Variants in SLC9C1 observed in about 807,000 individuals in gnomAD.
SLC9C1 encodes the protein solute carrier family 9 member C1, also known as sodium/hydrogen exchanger 10.
Under a neutral mutation model 140.9 loss-of-function variants are expected in SLC9C1, and 97 were observed. The observed-to-expected ratio is 0.69, with a 90% confidence interval of 0.58 to 0.82. The LOEUF (loss-of-function observed/expected upper bound fraction) is 0.82, where lower values mean the gene tolerates loss of function less well. Among genes scored for constraint, SLC9C1 ranks in the 40% least tolerant of loss-of-function variants. The pLI, the probability that SLC9C1 is intolerant of heterozygous loss-of-function variation, is 0.00. For missense variants in SLC9C1, 1,340 were observed against 1,389.3 expected (o/e 0.96, Z 0.56); for synonymous variants, 440 against 442.6 (o/e 0.99, Z 0.07).
intron 21 of SLC9C1, among the ~76,000 whole-genome samples, chr3:112,180,976 A>G (rs987991384): frequency 3.9e-5 from 6 of 152,182 alleles, no homozygotes; most frequent in Admixed American, 6.5e-5. Context: ...GGCTGGTCTC[A>G]GACTCCTGAC....
At position 112,250,636 on chromosome 3, in the gene SLC9C1, C is replaced by G. The variant is rs112172027; in HGVS notation, c.1198-6560G>C. 1.3e-3 allele frequency among the ~76,000 whole-genome samples: 198 copies of G among 152,202 alleles called. 3 individuals carry two copies. Among genetic ancestry groups the G allele is most frequent in the East Asian group, 9.7e-4 (5 of 5,180 alleles). ...TAGACATATAGATGGCCAACACACA[C>G]GTGAAACATGTGAAAATCGCTATCA... is the stretch of plus-strand genomic sequence containing the variant. On this transcript the variant is annotated intron_variant, in intron 10 of 28. Transcript: ENST00000305815.
rs755003295 is a variant in SLC9C1, at chr3:112,169,420, ATAATT to A, written c.2920-97_2920-93del. 2.5e-5 allele frequency: 30 copies of A among 1,181,616 alleles called. No homozygotes were observed. In the East Asian group the frequency reaches 4.1e-4, roughly 16 times the overall value. The allele number at this position is 1,181,616 out of a possible 1,614,324, so 73.2% of individuals were successfully genotyped here. A position where few individuals can be genotyped will look rare whatever the true frequency, so the allele number is the denominator to read the frequency against. On this transcript the variant is annotated intron_variant, in intron 23 of 28. Coordinates refer to ENST00000305815, the MANE Select transcript of SLC9C1 (RefSeq NM_183061.3). ...TTGTTTATGTACACTATTAAAGCTA[ATAATT>A]TAATTAGGTAAGATTCACATAATAG...
chr3:112,188,754 A>G (rs1220936951), intron 20 of SLC9C1, among the ~76,000 whole-genome samples: 1 of 152,184 alleles, frequency 6.6e-6, no homozygotes, highest in Non-Finnish European at 1.5e-5. Context: ...TATACCCAGT[A>G]ATGGGATGGC....
chr3:112,243,731 C>G (rs2079199458), intron 11 of SLC9C1, among the ~76,000 whole-genome samples: 1 of 151,362 alleles, frequency 6.6e-6, no homozygotes, highest in Non-Finnish European at 1.5e-5. Flanking sequence ...TGCTCTCTTG[C>G]CCAGGGTGGA....
At chr3:112,155,394 A>G (rs1400640193) in intron 26 of SLC9C1, among the ~76,000 whole-genome samples, 1 of 152,208 alleles carries the variant, frequency 6.6e-6, no homozygotes, top group African/African-American at 2.4e-5. Flanking sequence ...ATTAAGATCC[A>G]TGTCTTCTAG....
At position 112,263,072 on chromosome 3, in the gene SLC9C1, G is replaced by T. The variant is rs757345437; in HGVS notation, c.1049C>A (p.Pro350His). 3.2e-6 allele frequency: 5 copies of T among 1,578,084 alleles called. No individual in the cohort carries two copies. Among genetic ancestry groups the T allele is most frequent in the Admixed American group, 2.0e-5 (1 of 50,608 alleles). The change falls in exon 10 of 29, where the codon CCT becomes CAT. Residue 350 changes from proline (P) to histidine (H), a missense_variant. Transcript: ENST00000305815. Reference protein sequence around the residue: ...LRFLTLLLISPVLSRVGHEFS... With the variant: ...LRFLTLLLISHVLSRVGHEFS... ...CTCATGACCAACTCGAGACAAAACAGGGCTTATTAAAAGAAGGGTCAGAAA... is the reference window on the plus strand; with the variant it reads ...CTCATGACCAACTCGAGACAAAACATGGCTTATTAAAAGAAGGGTCAGAAA...
At chr3:112,216,450 A>T (rs974392666) in intron 15 of SLC9C1, among the ~76,000 whole-genome samples, 1 of 151,928 alleles carries the variant, frequency 6.6e-6, no homozygotes, top group African/African-American at 2.4e-5. Context: ...TTTTTGCAAT[A>T]TACCCATCTG....
chr3:112,182,277 G>C lies in SLC9C1; in HGVS notation c.2524-19C>G. On this transcript the variant is annotated intron_variant, in intron 20 of 28. Coordinates refer to ENST00000305815, the MANE Select transcript of SLC9C1 (RefSeq NM_183061.3). The stretch of plus-strand genomic sequence containing the variant: ...TGATTAACTAAAACATAAAATTTAA[G>C]AAAAGGGATGAACCAAACTGCTGTT... 1 of 1,590,336 alleles carries C rather than the reference G, an allele frequency of 6.3e-7. No individual in the cohort carries two copies. Among genetic ancestry groups the C allele is most frequent in the Non-Finnish European group, 8.5e-7 (1 of 1,170,662 alleles).
chr3:112,271,393 G>GTATATATATATATATACA (rs2080070592), intron 6 of SLC9C1, among the ~76,000 whole-genome samples: 1 of 125,574 alleles, frequency 8.0e-6, no homozygotes, highest in African/African-American at 2.7e-5. Context: ...ATTCTACATT[G>GTATATATATATATATACA]TATATATATA....
chr3:112,204,277 T>G lies in SLC9C1; in HGVS notation c.2113A>C (p.Thr705Pro). 1 of 1,549,010 alleles carries G rather than the reference T, an allele frequency of 6.5e-7. No individual in the cohort carries two copies. Among genetic ancestry groups the G allele is most frequent in the Non-Finnish European group, 8.6e-7 (1 of 1,156,700 alleles). ...IDTIKYIFNE[T>P]EVIVFIKVVQ... ...ACTTTTATAAAGACTATTACTTCAG[T>G]CTCATTAAAAATATACTTAATGGTG... The change falls in exon 17 of 29, where the codon ACT becomes CCT. Residue 705 changes from threonine (T) to proline (P), a missense_variant. Transcript: ENST00000305815.
intron 17 of SLC9C1, among the ~76,000 whole-genome samples, chr3:112,202,981 AC>A (rs1406532063): frequency 6.6e-6 from 1 of 151,876 alleles, no homozygotes; most frequent in African/African-American, 2.4e-5. Context: ...TCCATACTCT[AC>A]CCTGCAACTA....
Position 112,231,365 on chromosome 3 carries a change from T to C in SLC9C1, c.1568A>G (p.Gln523Arg). ...ELANRRLLSA[Q>R]IASYQRQYRN... Reference sequence around the variant, plus strand: ...CAAAAGAGAATAATACAGTACTATTTGTGCTGACAAGAGACGCCTGTTGGC... The same window carrying C: ...CAAAAGAGAATAATACAGTACTATTCGTGCTGACAAGAGACGCCTGTTGGC... The change falls in exon 13 of 29, where the codon CAA (glutamine) becomes CGA (arginine). Residue 523 changes from glutamine to arginine, a missense_variant. Physicochemically the swap from Gln to Arg is conservative, Grantham distance 43. Transcript: ENST00000305815. 6.2e-7 allele frequency: 1 copy of C among 1,613,252 alleles called. No homozygotes were observed. Among genetic ancestry groups the C allele is most frequent in the Non-Finnish European group, 8.5e-7 (1 of 1,179,592 alleles).
At chr3:112,161,904 A>G (rs2075311375) in intron 26 of SLC9C1, among the ~76,000 whole-genome samples, 1 of 151,416 alleles carries the variant, frequency 6.6e-6, no homozygotes, top group Non-Finnish European at 1.5e-5. Context: ...ACCCATGAGC[A>G]TGGAATGTTC....
chr3:112,217,537 C>G lies in SLC9C1; in HGVS notation c.1695G>C (p.Lys565Asn). The G allele has an allele frequency of 6.2e-7, 1 of 1,604,306 alleles. No individual in the cohort carries two copies. The highest frequency in any genetic ancestry group is 8.5e-7 in the Non-Finnish European group (1 of 1,175,600). ...KGKCMSLDTI[K>N]NYSESQKTVT... ...CTGTTTTTTGGCTTTCAGAATAATT[C>G]TTTATTGTATCAAGACTCATACATC... Residue 565 changes from lysine to asparagine, a missense_variant, in exon 15 of 29, where the codon AAG becomes AAC. Physicochemically the swap from Lys to Asn is moderately conservative, Grantham distance 94. Transcript: ENST00000305815.
chr3:112,217,261 G>A (rs1018997031), intron 15 of SLC9C1, among the ~76,000 whole-genome samples, 181 bp downstream of exon 15: 6 of 152,118 alleles, frequency 3.9e-5, no homozygotes, highest in African/African-American at 9.7e-5. Flanking sequence ...TGTAAATGAC[G>A]AGTTAATGAA....
At chr3:112,176,551 A>G (rs2077340311) in intron 23 of SLC9C1, among the ~76,000 whole-genome samples, 1 of 151,836 alleles carries the variant, frequency 6.6e-6, no homozygotes, top group African/African-American at 2.4e-5. Context: ...TTTACTCCTC[A>G]CCTTTTATAC....
intron 10 of SLC9C1, among the ~76,000 whole-genome samples, chr3:112,250,626 C>G (rs2079428229): frequency 6.6e-6 from 1 of 152,060 alleles, no homozygotes; most frequent in African/African-American, 2.4e-5. Context: ...ATATAGATGG[C>G]CAACACACAC....
chr3:112,145,188 AG>A (rs1232879099), intron 28 of SLC9C1, among the ~76,000 whole-genome samples: 1 of 152,192 alleles, frequency 6.6e-6, no homozygotes, highest in African/African-American at 2.4e-5. Flanking sequence ...TCTTATCAAA[AG>A]CTTTCTCTAT....
At chr3:112,199,531 A>G (rs917330413) in intron 19 of SLC9C1, 62 bp from the exon 20 acceptor site, 2 of 1,342,108 alleles carry the variant, frequency 1.5e-6, no homozygotes, top group African/African-American at 3.0e-5. Context: ...TTTTATGTGG[A>G]CAATAAGCTA....
Sources: gnomAD v4.1 joint callset for allele counts (sites outside exome capture counted in the v4.1 genomes callset) on GRCh38, gnomAD v4.1.1 for gene constraint, MANE v1.5 for transcripts, NCBI Gene and HGNC (gene_info 2026-07-23, HGNC 2026-07-21) for gene names.